UBXN4: variants seen among roughly 807,000 people sequenced by gnomAD.
UBXN4 encodes UBX domain-containing protein 4.
In UBXN4, 35 loss-of-function variants were observed where a neutral mutation model predicts 66.2. The observed-to-expected ratio is 0.53, with a 90% CI of 0.40 to 0.70. The LOEUF is 0.70. UBXN4 is among the 30% of genes least tolerant of loss of function. The pLI is 0.00. For missense variants in UBXN4, 533 were observed against 599.8 expected (o/e 0.89, Z 1.16); for synonymous variants, 203 against 204.5 (o/e 0.99, Z 0.06).
chr2:135,757,460 A>G (rs955985607), intron 5 of UBXN4, among the ~76,000 whole-genome samples: 3 of 152,116 alleles, frequency 2.0e-5, no homozygotes, highest in African/African-American at 7.2e-5. Flanking sequence ...TTTCAAGTGT[A>G]TTTCCCTTTT....
chr2:135,772,763 G>T (rs1425466270), intron 9 of UBXN4, among the ~76,000 whole-genome samples: 1 of 150,580 alleles, frequency 6.6e-6, no homozygotes, highest in African/African-American at 2.4e-5. Context: ...CAATAGCCGG[G>T]CGCGGTGGCT....
rs765679369 is a variant in UBXN4, at chr2:135,772,473, T to G, written c.876T>G (p.Ala292=). 6.2e-7 allele frequency: 1 copy of G among 1,614,160 alleles called. No individual in the cohort carries two copies. The highest frequency in any genetic ancestry group is 8.5e-7 in the Non-Finnish European group (1 of 1,179,990). ...RFAKTKEEVE[A]AKAAALLAKQ... is the part of the protein sequence containing the mutation. ...CAAAGACAAAGGAAGAAGTAGAGGC[T>G]GCCAAAGCTGCTGCCTTGCTAGCAA... Residue 292 remains alanine (A), a synonymous_variant, in exon 9 of 13, where the codon GCT becomes GCG. Coordinates refer to ENST00000272638, the MANE Select transcript of UBXN4 (RefSeq NM_014607.4).
At chr2:135,755,171 A>G (rs1039888234) in intron 4 of UBXN4, among the ~76,000 whole-genome samples, 1 of 152,174 alleles carries the variant, frequency 6.6e-6, no homozygotes, top group Non-Finnish European at 1.5e-5. Flanking sequence ...CTCTAACTAT[A>G]TATTGCTTAA....
intron 2 of UBXN4, among the ~76,000 whole-genome samples, chr2:135,749,972 C>T (rs939914100): frequency 5.3e-5 from 8 of 152,150 alleles, no homozygotes; most frequent in African/African-American, 1.9e-4. Flanking sequence ...TTGGTTCTTT[C>T]CTGTTTTCTG....
At position 135,761,871 on chromosome 2, in the gene UBXN4, G is replaced by C. The variant is rs1288787752; in HGVS notation, c.562G>C (p.Asp188His). The change falls in exon 6 of 13, where the codon GAT becomes CAT. Residue 188 changes from aspartate to histidine, a missense_variant. Physicochemically the swap from Asp to His is moderately conservative, Grantham distance 81. Transcript: ENST00000272638. ...TSSQEPSGCS[D>H]QRPAEDLNIR... ...CTCTCAGGAGCCTAGTGGATGCTCA[G>C]ATCAGAGACCTGCAGAGGACCTCAA... The C allele has an allele frequency of 6.2e-7, 1 of 1,613,828 alleles. No individual in the cohort carries two copies. The highest frequency in any genetic ancestry group is 8.5e-7 in the Non-Finnish European group (1 of 1,179,938).
chr2:135,748,119 T>A (rs2077220647), intron 1 of UBXN4, 148 bp from the exon 2 acceptor site: 1 of 501,870 alleles, frequency 2.0e-6, no homozygotes, highest in South Asian at 3.9e-5. Context: ...GTCACACTTT[T>A]CATTTAGTGG....
At chr2:135,762,398 C>CT (rs1327704738) in intron 6 of UBXN4, among the ~76,000 whole-genome samples, 2 of 152,082 alleles carry the variant, frequency 1.3e-5, no homozygotes, top group African/African-American at 4.8e-5. Context: ...AAATCATAGT[C>CT]TTTTATGCTG....
intron 5 of UBXN4, among the ~76,000 whole-genome samples, chr2:135,758,075 A>ATT (rs70973477): frequency 0.61 from 85,731 of 139,738 alleles, 28,612 homozygotes; most frequent in Non-Finnish European, 0.77. Context: ...CACCTGGCTA[A>ATT]TTTTTTTTTT....
chr2:135,769,784 T>TG lies in UBXN4; in HGVS notation c.619dup (p.Glu207GlyfsTer17). 6.3e-7 allele frequency: 1 copy of TG among 1,591,750 alleles called. No homozygotes were observed. The highest frequency in any genetic ancestry group is 8.5e-7 in the Non-Finnish European group (1 of 1,172,770). ...TTTAATACAGACTAACAAAAAAACT[T>TG]GAAGAAAGGAGAGAAGAGAAAAGAA... On this transcript the variant is annotated frameshift_variant, in exon 7 of 13. Transcript: ENST00000272638. LOFTEE classifies it high-confidence loss of function.
At chr2:135,780,060 C>A in intron 11 of UBXN4, 123 bp from the exon 12 acceptor site, 2 of 778,450 alleles carry the variant, frequency 2.6e-6, no homozygotes, top group Non-Finnish European at 4.1e-6. Context: ...ATCATTTTAC[C>A]CTCTTGAAGT....
chr2:135,755,169 A>G (rs1256369993), intron 4 of UBXN4, among the ~76,000 whole-genome samples: 2 of 152,150 alleles, frequency 1.3e-5, no homozygotes, highest in African/African-American at 4.8e-5. Context: ...GGCTCTAACT[A>G]TATATTGCTT....
At chr2:135,773,594 AGAAC>A (rs984998246) in intron 9 of UBXN4, among the ~76,000 whole-genome samples, 21 of 152,206 alleles carry the variant, frequency 1.4e-4, no homozygotes, top group Non-Finnish European at 2.6e-4. Context: ...TAATTATACC[AGAAC>A]GAATGACACA....
chr2:135,747,646 C>T (rs1394286290), intron 1 of UBXN4: 1 of 456,156 alleles, frequency 2.2e-6, no homozygotes, highest in Non-Finnish European at 4.4e-6. Context: ...TTTTATTTTT[C>T]TCTCTCTCTA....
chr2:135,753,530 G>C lies in UBXN4; in HGVS notation c.186-9G>C. ...TCATCTAGTGATTTTGTTTGATTTT[G>C]TTTTACAGTGAAGCCTGCCTACAGT... On this transcript the variant is annotated splice_polypyrimidine_tract_variant and intron_variant, in intron 2 of 12. Coordinates refer to ENST00000272638, the MANE Select transcript of UBXN4 (RefSeq NM_014607.4). 6.6e-7 allele frequency: 1 copy of C among 1,523,126 alleles called. No homozygotes were observed. Among genetic ancestry groups the C allele is most frequent in the Non-Finnish European group, 8.7e-7 (1 of 1,148,478 alleles). The allele number at this position is 1,523,126 out of a possible 1,614,324, so 94.4% of individuals were successfully genotyped here.
Position 135,761,802 on chromosome 2 carries a change from T to C in UBXN4, c.509-16T>C, listed in dbSNP as rs1489169145. On this transcript the variant is annotated splice_polypyrimidine_tract_variant and intron_variant, in intron 5 of 12. Transcript: ENST00000272638. ...TTAAATGCAGTATTCTTATTTCTTT[T>C]TATTTAATAATTAAGGAGGAGAAAG... 8.2e-6 allele frequency: 13 copies of C among 1,577,688 alleles called. No individual in the cohort carries two copies. Among genetic ancestry groups the C allele is most frequent in the Non-Finnish European group, 1.1e-5 (13 of 1,165,738 alleles).
chr2:135,761,956 T>C, intron 6 of UBXN4, 45 bp downstream of exon 6: 1 of 1,535,622 alleles, frequency 6.5e-7, no homozygotes, highest in Non-Finnish European at 8.9e-7. Flanking sequence ...AAAAAGACAG[T>C]GGTTTTCAGT....
intron 5 of UBXN4, among the ~76,000 whole-genome samples, chr2:135,756,527 C>A (rs564102715): frequency 6.6e-5 from 10 of 152,238 alleles, no homozygotes; most frequent in Non-Finnish European, 1.3e-4. Context: ...ATTTGAAATA[C>A]AGCTATTTGT....
At chr2:135,768,267 C>T (rs941905380) in intron 6 of UBXN4, among the ~76,000 whole-genome samples, 5 of 151,968 alleles carry the variant, frequency 3.3e-5, no homozygotes, top group Admixed American at 6.6e-5. Context: ...TTCACCATCT[C>T]GGCTCACTGC....
chr2:135,780,612 T>C (rs2077443880), intron 12 of UBXN4, among the ~76,000 whole-genome samples: 1 of 152,244 alleles, frequency 6.6e-6, no homozygotes, highest in African/African-American at 2.4e-5. Flanking sequence ...GGAAAGCAGC[T>C]TCACCTCTAC....
Sources: allele counts gnomAD v4.1 joint callset (sites outside exome capture counted in the v4.1 genomes callset), GRCh38; gene constraint gnomAD v4.1.1; transcripts MANE v1.5; gene names NCBI Gene and HGNC (gene_info 2026-07-23, HGNC 2026-07-21).